Variants in PCDHGB3 observed in about 807,000 individuals in gnomAD.
PCDHGB3 encodes protocadherin gamma subfamily B, 3, also known as protocadherin gamma-B3.
In PCDHGB3, 40 loss-of-function variants were observed where a neutral mutation model predicts 59.2. The observed-to-expected ratio is 0.68, with a 90% confidence interval of 0.52 to 0.88. PCDHGB3 has a LOEUF of 0.88. Among genes scored for constraint, PCDHGB3 ranks in the 40% least tolerant of loss-of-function variants. The pLI is 0.00. For synonymous variants in PCDHGB3, 581 were observed against 503.6 expected (o/e 1.15, Z -2.06); for missense variants, 1,309 against 1,187.9 (o/e 1.10, Z -1.50).
rs562156266 is a variant in PCDHGB3, at chr5:141,467,826, T to C, written c.2416-26981T>C. On this transcript the variant is annotated intron_variant, in intron 1 of 3. Transcript: ENST00000576222. ...GGCACATGCCACCACACCAGGCTGA[T>C]TTTTATATTTTTTTGTAGAATGAGA... Among the ~76,000 whole-genome samples, 96 of 151,894 alleles carry C rather than the reference T, an allele frequency of 6.3e-4. 3 individuals carry two copies. Among genetic ancestry groups the C allele is most frequent in the Admixed American group, 6.2e-3 (95 of 15,236 alleles).
Position 141,477,966 on chromosome 5 carries a change from G to A in PCDHGB3, c.2416-16841G>A, listed in dbSNP as rs2099426792. 6.2e-7 allele frequency: 1 copy of A among 1,614,118 alleles called. No individual in the cohort carries two copies. The highest frequency in any genetic ancestry group is 8.5e-7 in the Non-Finnish European group (1 of 1,180,036). ...AGTCTCTTGGGATCCCCTAACCAGAGCCTTTTTGCCATAGGGCTGCACACT... is the reference window on the plus strand; with the variant it reads ...AGTCTCTTGGGATCCCCTAACCAGAACCTTTTTGCCATAGGGCTGCACACT... On this transcript the variant is annotated intron_variant, in intron 1 of 3. Transcript: ENST00000576222. This position sits in a 1 kb window ranked among gnomAD's most constrained non-coding sequence, Gnocchi z 4.9.
At position 141,413,426 on chromosome 5, in the gene PCDHGB3, G is replaced by T. The variant is rs138985917; in HGVS notation, c.2415+40617G>T. On this transcript the variant is annotated intron_variant, in intron 1 of 3. Transcript: ENST00000576222. Reference sequence around the variant, plus strand: ...ACGCAGCTTTTCTCTCTGAACCCGCGCAGCGGCAGCTTGATCACCGCGGGC... The same window carrying T: ...ACGCAGCTTTTCTCTCTGAACCCGCTCAGCGGCAGCTTGATCACCGCGGGC... 776 of 1,614,090 alleles carry T rather than the reference G, an allele frequency of 4.8e-4. 5 individuals carry two copies. The African/African-American group carries it at 9.2e-3, about 19-fold the overall frequency.
In PCDHGB3 at chr5:141,485,066, G is replaced by A. The variant is rs907517904; in HGVS notation, c.2416-9741G>A. On this transcript the variant is annotated intron_variant, in intron 1 of 3. Coordinates refer to ENST00000576222, the MANE Select transcript of PCDHGB3 (RefSeq NM_018924.5). This position sits in a 1 kb window ranked among gnomAD's most constrained non-coding sequence, Gnocchi z 5.7. Reference sequence around the variant, plus strand: ...GCGGCGCCGGCCGAACCGCGCCAGAGCTGGCGCGGGGAAAGGGAGATAGGT... The same window carrying A: ...GCGGCGCCGGCCGAACCGCGCCAGAACTGGCGCGGGGAAAGGGAGATAGGT... 1 of 885,622 alleles carries A rather than the reference G, an allele frequency of 1.1e-6. No individual in the cohort carries two copies. Among genetic ancestry groups the A allele is most frequent in the Non-Finnish European group, 1.8e-6 (1 of 559,820 alleles). 54.9% of individuals were successfully genotyped at this position (885,622 alleles called of 1,614,324 possible).
At chr5:141,416,947 T>G (rs1436457377) in intron 1 of PCDHGB3, 1 of 152,184 alleles carries the variant, frequency 6.6e-6, no homozygotes, top group Non-Finnish European at 1.5e-5. Flanking sequence ...CCATTGAAAC[T>G]ATTATTTTAT....
Position 141,489,533 on chromosome 5 carries a change from C to G in PCDHGB3, c.2416-5274C>G, listed in dbSNP as rs754586925. The G allele has an allele frequency of 6.2e-7, 1 of 1,614,086 alleles. No individual in the cohort carries two copies. The highest frequency in any genetic ancestry group is 1.7e-5 in the Admixed American group (1 of 60,030). ...ATTGACCGAGAAAGCCTATGTGGAG[C>G]CAGCACCAGCTGCCTGCTGCCAGTG... On this transcript the variant is annotated intron_variant, in intron 1 of 3. Coordinates refer to ENST00000576222, the MANE Select transcript of PCDHGB3 (RefSeq NM_018924.5). The surrounding 1 kb of genome is among the most constrained non-coding windows in gnomAD (Gnocchi z 4.5).
intron 1 of PCDHGB3, chr5:141,394,160 T>G (rs749389529): frequency 1.7e-5 from 27 of 1,613,534 alleles, no homozygotes; most frequent in Non-Finnish European, 2.3e-5. Flanking sequence ...ACGACAACCC[T>G]CCTACTTTCC....
intron 1 of PCDHGB3, among the ~76,000 whole-genome samples, chr5:141,401,116 G>A (rs763920346): frequency 1.3e-5 from 2 of 152,036 alleles, no homozygotes; most frequent in African/African-American, 2.4e-5. Flanking sequence ...GGCCGAGGCG[G>A]TTGGATCACA....
At chr5:141,403,099 C>G in intron 1 of PCDHGB3, 5 of 1,614,056 alleles carry the variant, frequency 3.1e-6, no homozygotes, top group Non-Finnish European at 4.2e-6. Context: ...GCAACATCTC[C>G]AAGGACCTGG....
At chr5:141,399,864 G>A (rs762765678) in intron 1 of PCDHGB3, 1 of 1,612,860 alleles carries the variant, frequency 6.2e-7, no homozygotes. Flanking sequence ...GCGCTGCAGA[G>A]CCCGGCTACC....
chr5:141,404,877 T>A (rs1242099855), intron 1 of PCDHGB3: 2 of 1,613,738 alleles, frequency 1.2e-6, no homozygotes, highest in Non-Finnish European at 1.7e-6. Flanking sequence ...AAACAGAGCC[T>A]TGTGGTGGCT....
chr5:141,397,375 T>C (rs2093516481), intron 1 of PCDHGB3, among the ~76,000 whole-genome samples: 1 of 152,174 alleles, frequency 6.6e-6, no homozygotes, highest in South Asian at 2.1e-4. Context: ...TGTTTGGGGA[T>C]TGGTATAAAA....
intron 1 of PCDHGB3, chr5:141,374,057 C>T (rs768326017): frequency 6.7e-7 from 1 of 1,486,570 alleles, no homozygotes; most frequent in Admixed American, 2.5e-5. Flanking sequence ...TCTTCTTAAT[C>T]CCAGAGAAGT....
At position 141,379,404 on chromosome 5, in the gene PCDHGB3, G is replaced by C. The variant is rs146281241; in HGVS notation, c.2415+6595G>C. ...ACAATTTTAAACAACTTGAATCTTGGATATTAGTCTCATGAGTTAGATGGG... is the reference window on the plus strand; with the variant it reads ...ACAATTTTAAACAACTTGAATCTTGCATATTAGTCTCATGAGTTAGATGGG... On this transcript the variant is annotated intron_variant, in intron 1 of 3. Coordinates refer to ENST00000576222, the MANE Select transcript of PCDHGB3 (RefSeq NM_018924.5). 549 of 152,154 alleles carry C rather than the reference G, an allele frequency of 3.6e-3. 6 individuals are homozygous for C. Among genetic ancestry groups the C allele is most frequent in the African/African-American group, 0.012 (518 of 41,502 alleles). 9.4% of individuals were successfully genotyped at this position (152,154 alleles called of 1,614,324 possible). A position where few individuals can be genotyped will look rare whatever the true frequency, so the allele number is the denominator to read the frequency against.
At chr5:141,389,036 G>A in intron 1 of PCDHGB3, 1 of 1,613,928 alleles carries the variant, frequency 6.2e-7, no homozygotes, top group Non-Finnish European at 8.5e-7. Flanking sequence ...CTTGTAAATT[G>A]GAAGGTGATG....
chr5:141,392,013 G>A (rs980520094), intron 1 of PCDHGB3: 1 of 152,108 alleles, frequency 6.6e-6, no homozygotes, highest in African/African-American at 2.4e-5. Context: ...AATGGTAAAA[G>A]CATTTATCCT....
At chr5:141,413,035 C>A (rs1481573261) in intron 1 of PCDHGB3, 2 of 800,134 alleles carry the variant, frequency 2.5e-6, no homozygotes, top group African/African-American at 1.7e-5. Context: ...AAACCGGCTG[C>A]TGGGCTGCAG....
At chr5:141,441,710 G>A (rs2098266791) in intron 1 of PCDHGB3, 1 of 322,162 alleles carries the variant, frequency 3.1e-6, no homozygotes, top group Non-Finnish European at 6.1e-6. Context: ...TCAAGCTCAC[G>A]CTGCAGGCCC....
intron 1 of PCDHGB3, chr5:141,394,056 G>C (rs776550132): frequency 6.2e-7 from 1 of 1,613,734 alleles, no homozygotes; most frequent in Non-Finnish European, 8.5e-7. Flanking sequence ...CCGAGAAAAT[G>C]TCTCTATCTA....
intron 1 of PCDHGB3, chr5:141,403,092 A>G (rs764199669): frequency 6.2e-7 from 1 of 1,614,086 alleles, no homozygotes; most frequent in East Asian, 2.2e-5. Flanking sequence ...ATTGTGGGCA[A>G]CATCTCCAAG....
Sources: allele counts gnomAD v4.1 joint callset (sites outside exome capture counted in the v4.1 genomes callset), GRCh38; gene constraint gnomAD v4.1.1; non-coding constraint Gnocchi (gnomAD v3.1); transcripts MANE v1.5; gene names NCBI Gene and HGNC (gene_info 2026-07-23, HGNC 2026-07-21).